Variants in SLC4A5 observed in about 807,000 individuals in gnomAD.
SLC4A5 encodes solute carrier family 4 member 5, also known as electrogenic sodium bicarbonate cotransporter 4.
In SLC4A5, 96 loss-of-function variants were observed where a neutral mutation model predicts 120.4. The observed-to-expected ratio is 0.80, with a 90% confidence interval of 0.68 to 0.94. The LOEUF is 0.94. SLC4A5 is among the 40% of genes least tolerant of loss of function. SLC4A5 has a pLI of 0.00. For synonymous variants in SLC4A5, 550 were observed against 571.1 expected (o/e 0.96, Z 0.53); for missense variants, 1,259 against 1,459.5 (o/e 0.86, Z 2.24).
intron 6 of SLC4A5, chr2:74,307,397 G>A (rs556593444): frequency 1.6e-5 from 10 of 631,370 alleles, no homozygotes; most frequent in Middle Eastern, 4.7e-4. Flanking sequence ...GCAGCTCCTC[G>A]AGAGCCTCGA....
At position 74,266,160 on chromosome 2, in the gene SLC4A5, T is replaced by C. The variant is rs573420249; in HGVS notation, c.402-896A>G. On this transcript the variant is annotated intron_variant, in intron 8 of 30. Coordinates refer to ENST00000394019, the Ensembl canonical transcript of SLC4A5. ...GGGATGGGGCATGCCTTAGCACATATAGAAACTTGCGGAGAAGCTTCAGTA... is the reference window on the plus strand; with the variant it reads ...GGGATGGGGCATGCCTTAGCACATACAGAAACTTGCGGAGAAGCTTCAGTA... Among the ~76,000 whole-genome samples, 6 of 152,308 alleles carry C rather than the reference T, an allele frequency of 3.9e-5. No individual in the cohort carries two copies. The South Asian group carries it at 8.3e-4, about 21-fold the overall frequency.
intron 1 of SLC4A5, among the ~76,000 whole-genome samples, chr2:74,343,065 T>C (rs1472797857): frequency 6.6e-6 from 1 of 151,554 alleles, no homozygotes; most frequent in African/African-American, 2.4e-5. Flanking sequence ...GAAACTGGAG[T>C]AGGGGGACAC....
exon 27 of SLC4A5, chr2:74,226,965 G>A: frequency 6.2e-7 from 1 of 1,613,488 alleles, no homozygotes; most frequent in Non-Finnish European, 8.5e-7. Context: ...ACCATGACCG[G>A]GAAGATGATG....
At chr2:74,276,685 T>A (rs1671651754) in intron 8 of SLC4A5, among the ~76,000 whole-genome samples, 1 of 152,222 alleles carries the variant, frequency 6.6e-6, no homozygotes, top group Non-Finnish European at 1.5e-5. Flanking sequence ...ACTACAGGTA[T>A]GAAAGACATA....
chr2:74,239,323 G>C lies in SLC4A5; in HGVS notation c.2319+12C>G. ...GACTGCAGGTCCCCTCCTAACTGCA[G>C]GGTGAGCTTACCTTGGTAGGAAAAT... On this transcript the variant is annotated intron_variant, in intron 21 of 30. Coordinates refer to ENST00000394019, the Ensembl canonical transcript of SLC4A5. 4 of 1,613,858 alleles carry C rather than the reference G, an allele frequency of 2.5e-6. No homozygotes were observed. Among genetic ancestry groups the C allele is most frequent in the Non-Finnish European group, 3.4e-6 (4 of 1,179,738 alleles).
intron 21 of SLC4A5, among the ~76,000 whole-genome samples, chr2:74,238,757 CAT>C (rs2103939925): frequency 6.6e-6 from 1 of 152,224 alleles, no homozygotes; most frequent in East Asian, 1.9e-4. Context: ...TAGAAGGTAA[CAT>C]ACAAGAATAT....
chr2:74,249,592 G>C (rs1270884462), intron 17 of SLC4A5, among the ~76,000 whole-genome samples: 1 of 152,172 alleles, frequency 6.6e-6, no homozygotes. Context: ...ATGAGTCAAG[G>C]ATAATGCTTA....
intron 19 of SLC4A5, among the ~76,000 whole-genome samples, chr2:74,243,471 G>T (rs866743315): frequency 6.6e-6 from 1 of 152,236 alleles, no homozygotes; most frequent in Non-Finnish European, 1.5e-5. Context: ...CCAGAGGTTT[G>T]TTAGGATTGT....
intron 4 of SLC4A5, among the ~76,000 whole-genome samples, chr2:74,330,925 G>A (rs1270501893): frequency 2.0e-5 from 2 of 99,388 alleles, no homozygotes; most frequent in Non-Finnish European, 4.4e-5. Context: ...GTGTGGTTTA[G>A]GTGTAGGTGG....
chr2:74,231,153 C>T, intron 25 of SLC4A5, 83 bp downstream of exon 25: 2 of 1,326,794 alleles, frequency 1.5e-6, no homozygotes, highest in Admixed American at 1.9e-5. Flanking sequence ...GATCCCTAGC[C>T]ATGTGGGGAC....
chr2:74,322,966 C>T (rs927885419), intron 5 of SLC4A5, among the ~76,000 whole-genome samples: 11 of 152,158 alleles, frequency 7.2e-5, no homozygotes, highest in Non-Finnish European at 1.5e-4. Flanking sequence ...GGGCAGGGTG[C>T]GGTGTCTCAC....
At chr2:74,226,984 C>A (rs780444537) in exon 27 of SLC4A5, 1 of 1,613,876 alleles carries the variant, frequency 6.2e-7, no homozygotes, top group South Asian at 1.1e-5. Context: ...TGGCAGCCAC[C>A]GTGGATTTGA....
chr2:74,226,988 G>A (rs377344603), exon 27 of SLC4A5: 8 of 1,614,068 alleles, frequency 5.0e-6, no homozygotes, highest in Non-Finnish European at 6.8e-6. Context: ...AGCCACCGTG[G>A]ATTTGAGGAT....
At chr2:74,267,302 G>A (rs563112273) in intron 8 of SLC4A5, among the ~76,000 whole-genome samples, 5 of 152,214 alleles carry the variant, frequency 3.3e-5, no homozygotes, top group Admixed American at 6.5e-5. Context: ...TCTAGGAAAC[G>A]ATCACAGGAA....
At chr2:74,270,969 C>T (rs977033244) in intron 8 of SLC4A5, among the ~76,000 whole-genome samples, 2 of 152,332 alleles carry the variant, frequency 1.3e-5, no homozygotes, top group Non-Finnish European at 1.5e-5. Context: ...CACAGTCATG[C>T]TATGCTTTAG....
intron 10 of SLC4A5, among the ~76,000 whole-genome samples, chr2:74,263,128 C>A (rs1028784109): frequency 6.6e-6 from 1 of 152,206 alleles, no homozygotes; most frequent in Non-Finnish European, 1.5e-5. Context: ...CAACCTCCGT[C>A]TCCTGGGTTC....
intron 8 of SLC4A5, among the ~76,000 whole-genome samples, chr2:74,275,464 G>A (rs1346868728): frequency 1.3e-5 from 2 of 152,146 alleles, no homozygotes; most frequent in Non-Finnish European, 2.9e-5. Flanking sequence ...TGTCATCTAC[G>A]CAGTGGTCTG....
intron 16 of SLC4A5, among the ~76,000 whole-genome samples, chr2:74,251,668 T>C (rs2103990173): frequency 6.6e-6 from 1 of 152,292 alleles, no homozygotes; most frequent in East Asian, 1.9e-4. Flanking sequence ...GAAAGTGCTC[T>C]GTGAAGACAG....
At chr2:74,257,065 C>T (rs1029591580) in intron 12 of SLC4A5, among the ~76,000 whole-genome samples, 1 of 152,174 alleles carries the variant, frequency 6.6e-6, no homozygotes, top group African/African-American at 2.4e-5. Context: ...CTTCCTGTCC[C>T]TGTGGAGGGG....
Sources: allele counts gnomAD v4.1 joint callset (sites outside exome capture counted in the v4.1 genomes callset), GRCh38; gene constraint gnomAD v4.1.1; transcripts MANE v1.5; gene names NCBI Gene and HGNC (gene_info 2026-07-23, HGNC 2026-07-21).